Variants in IFT122 observed in about 807,000 individuals in gnomAD.
The protein encoded by IFT122 is intraflagellar transport 122.
IFT122 carries 118 observed loss-of-function variants against 161.6 expected under a neutral mutation model. That is an observed-to-expected ratio of 0.73 (90% confidence interval 0.63 to 0.85). The LOEUF (loss-of-function observed/expected upper bound fraction) is 0.85, where lower values mean the gene tolerates loss of function less well. Among genes scored for constraint, IFT122 ranks in the 40% least tolerant of loss-of-function variants. The pLI is 0.00. For synonymous variants in IFT122, 550 were observed against 602.4 expected, an observed-to-expected ratio of 0.91 and a Z score of 1.27; for missense variants, 1,381 against 1,579.6, an observed-to-expected ratio of 0.87 and a Z score of 2.13.
rs963984310 is a variant in IFT122 at position 129,467,187 on chromosome 3, T to G, written c.740+121T>G. 3 of 870,054 alleles carry G rather than the reference T, an allele frequency of 3.4e-6. No individual in the cohort carries two copies. The African/African-American group carries it at 5.1e-5, about 15-fold the overall frequency. The allele number at this position is 870,054 out of a possible 1,614,324, so 53.9% of individuals were successfully genotyped here. A position where few individuals can be genotyped will look rare whatever the true frequency, so the allele number is the denominator to read the frequency against. ...TGCAGGGACTAGGGGGAACTGTGGG[T>G]GAAAGCGCCTTCAAAAAAAGGAGAC... is the stretch of plus-strand genomic sequence containing the variant. On this transcript the variant is annotated intron_variant, in intron 8 of 29. Transcript: ENST00000348417.
chr3:129,461,308 C>A lies in IFT122; in HGVS notation c.349+4C>A, dbSNP rs753626217. 1.2e-6 allele frequency: 2 copies of A among 1,603,428 alleles called. No individual in the cohort carries two copies. Among genetic ancestry groups the A allele is most frequent in the Non-Finnish European group, 1.7e-6 (2 of 1,170,220 alleles). ...TCTTGTTCCTCCAGTGACTTTGGTACGTTCTGATTCCTGATGTCCTGTCCT... is the reference window on the plus strand; with the variant it reads ...TCTTGTTCCTCCAGTGACTTTGGTAAGTTCTGATTCCTGATGTCCTGTCCT... On this transcript the variant is annotated splice_donor_region_variant and intron_variant, in intron 5 of 29. Transcript: ENST00000348417.
rs772213560 is a variant in IFT122 at position 129,512,307 on chromosome 3, T to C, written c.2887-5T>C. ...CAATCCCTGTTTGCTTTTCTCTCAC[T>C]GCAGGAAGATCCGTTCAGTGTCCAT... On this transcript the variant is annotated splice_region_variant and splice_polypyrimidine_tract_variant and intron_variant, in intron 23 of 29. Coordinates refer to ENST00000348417, the MANE Select transcript of IFT122 (RefSeq NM_052989.3). 8 of 1,609,804 alleles carry C rather than the reference T, an allele frequency of 5.0e-6. No homozygotes were observed. The African/African-American group carries it at 5.3e-5, about 11-fold the overall frequency.
At position 129,488,264 on chromosome 3, in the gene IFT122, C is replaced by G. The variant is rs747567404; in HGVS notation, c.1859C>G (p.Pro620Arg). The change falls in exon 16 of 30, where the codon CCC becomes CGC. Residue 620 changes from proline (P) to arginine (R), a missense_variant. Physicochemically the swap from Pro to Arg is moderately radical, Grantham distance 103. Coordinates refer to ENST00000348417, the MANE Select transcript of IFT122 (RefSeq NM_052989.3). ...CTTGATGAAATCCTGCAGTCCGCTC[C>G]CATGTACCAGTACCTGGATAGGAAA... Reference protein sequence around the residue: ...ISAVEVPQSAPMYQYLDRKLF... With the variant: ...ISAVEVPQSARMYQYLDRKLF... 2 of 1,614,144 alleles carry G rather than the reference C, an allele frequency of 1.2e-6. No individual in the cohort carries two copies. Among genetic ancestry groups the G allele is most frequent in the South Asian group, 2.2e-5 (2 of 91,086 alleles).
intron 9 of IFT122, among the ~76,000 whole-genome samples, chr3:129,472,391 C>T (rs1005851852): frequency 2.0e-5 from 3 of 152,026 alleles, no homozygotes; most frequent in South Asian, 2.1e-4. Context: ...TCTCAAACTC[C>T]TGGGCTCAAA....
intron 15 of IFT122, among the ~76,000 whole-genome samples, chr3:129,484,259 G>A (rs1270793184): frequency 2.6e-5 from 4 of 152,062 alleles, no homozygotes; most frequent in South Asian, 2.1e-4. Flanking sequence ...TTGACCTCCC[G>A]AATGCAGGAT....
At chr3:129,501,463 C>G (rs1385545806) in intron 19 of IFT122, among the ~76,000 whole-genome samples, 1 of 152,162 alleles carries the variant, frequency 6.6e-6, no homozygotes, top group Non-Finnish European at 1.5e-5. Context: ...CCTACCACCC[C>G]ATCTTTTTCT....
intron 20 of IFT122, among the ~76,000 whole-genome samples, 189 bp downstream of exon 20, chr3:129,503,071 C>T (rs2081775225): frequency 6.6e-6 from 1 of 152,216 alleles, no homozygotes; most frequent in African/African-American, 2.4e-5. Context: ...GGCCTTTCCA[C>T]TTGTCCCTTC....
At chr3:129,447,744 C>T (rs1007400693) in intron 1 of IFT122, among the ~76,000 whole-genome samples, 5 of 152,178 alleles carry the variant, frequency 3.3e-5, no homozygotes, top group African/African-American at 1.2e-4. Context: ...AACTCCTGAC[C>T]TCGTGATCCG....
intron 26 of IFT122, among the ~76,000 whole-genome samples, chr3:129,517,268 G>GCACGCGCGCACACACACACA (rs1553776446): frequency 8.5e-5 from 10 of 117,118 alleles, no homozygotes; most frequent in African/African-American, 3.2e-4. Context: ...CATTGCTCCT[G>GCACGCGCGCACACACACACA]CACACACACA....
intron 4 of IFT122, 67 bp downstream of exon 4, chr3:129,458,744 T>C (rs2075822662): frequency 7.1e-6 from 9 of 1,262,860 alleles, no homozygotes; most frequent in Non-Finnish European, 1.0e-5. Flanking sequence ...AAAAGCCTCT[T>C]AGAAAAGATG....
At chr3:129,442,473 C>T (rs1025959182) in intron 1 of IFT122, among the ~76,000 whole-genome samples, 1 of 151,498 alleles carries the variant, frequency 6.6e-6, no homozygotes, top group East Asian at 1.9e-4. Flanking sequence ...AGATTTGAGA[C>T]AACCTATTAG....
chr3:129,442,865 T>C (rs2073440083), intron 1 of IFT122, among the ~76,000 whole-genome samples: 2 of 152,326 alleles, frequency 1.3e-5, no homozygotes, highest in African/African-American at 4.8e-5. Context: ...ATTTATACTT[T>C]TAGGTTGAGC....
chr3:129,451,995 G>T lies in IFT122; in HGVS notation c.190G>T (p.Asp64Tyr), dbSNP rs1210852363. 1 of 1,611,882 alleles carries T rather than the reference G, an allele frequency of 6.2e-7. No individual in the cohort carries two copies. Among genetic ancestry groups the T allele is most frequent in the African/African-American group, 1.3e-5 (1 of 74,870 alleles). Residue 64 changes from aspartate (D) to tyrosine (Y), a missense_variant, in exon 3 of 30, where the codon GAT becomes TAT. Coordinates refer to ENST00000348417, the MANE Select transcript of IFT122 (RefSeq NM_052989.3). ...DTVYCVAYAK[D>Y]GKRFASGSAD... is the part of the protein sequence containing the mutation. ...TGTGTACTGTGTGGCATATGCGAAG[G>T]ATGGTAAAAGGCTGCTCTGGGTTTC...
chr3:129,515,433 G>A (rs1355582633), intron 25 of IFT122, 55 bp from the exon 26 acceptor site: 1 of 1,174,902 alleles, frequency 8.5e-7, no homozygotes, highest in Non-Finnish European at 1.2e-6. Flanking sequence ...AGAGTCCAGG[G>A]GGAGGAGGAC....
chr3:129,447,695 T>C (rs562951063), intron 1 of IFT122, among the ~76,000 whole-genome samples: 2 of 152,286 alleles, frequency 1.3e-5, no homozygotes, highest in Non-Finnish European at 2.9e-5. Flanking sequence ...GTATTTTTAG[T>C]TGAGACAGGG....
intron 1 of IFT122, among the ~76,000 whole-genome samples, chr3:129,448,468 G>A (rs2074314451): frequency 6.6e-6 from 1 of 152,120 alleles, no homozygotes; most frequent in African/African-American, 2.4e-5. Flanking sequence ...ATTTGCATTG[G>A]GTGCGAAAAG....
intron 1 of IFT122, among the ~76,000 whole-genome samples, chr3:129,446,286 G>A (rs1329697863): frequency 2.0e-5 from 3 of 151,112 alleles, no homozygotes; most frequent in Non-Finnish European, 4.4e-5. Context: ...GTGTAGTGGC[G>A]CGATCTCAGC....
At chr3:129,490,172 A>G (rs1352859207) in intron 16 of IFT122, among the ~76,000 whole-genome samples, 2 of 152,160 alleles carry the variant, frequency 1.3e-5, no homozygotes, top group African/African-American at 4.8e-5. Flanking sequence ...CAGATTTACT[A>G]TAGTTGAAAA....
intron 3 of IFT122, among the ~76,000 whole-genome samples, chr3:129,454,657 G>A (rs1345339019): frequency 6.6e-6 from 1 of 151,916 alleles, no homozygotes; most frequent in African/African-American, 2.4e-5. Flanking sequence ...GGCTGTTGAG[G>A]AATGTGGGTC....
Sources: allele counts gnomAD v4.1 joint callset (sites outside exome capture counted in the v4.1 genomes callset), GRCh38; gene constraint gnomAD v4.1.1; transcripts MANE v1.5; gene names NCBI Gene and HGNC (gene_info 2026-07-23, HGNC 2026-07-21).